Variants in OR1J2 observed in about 807,000 individuals in gnomAD.
OR1J2 encodes olfactory receptor family 1 subfamily J member 2.
For missense variants in OR1J2, 304 were observed against 246.1 expected, an observed-to-expected ratio of 1.24 and a Z score of -1.57; for synonymous variants, 142 against 99.7, an observed-to-expected ratio of 1.42 and a Z score of -2.52.
At chr9:122,453,148 G>A in the OR1J2 span, among the ~76,000 whole-genome samples, 1 of 151,892 alleles carries the variant, frequency 6.6e-6, no homozygotes, top group Non-Finnish European at 1.5e-5. Flanking sequence ...AAAACTCCCC[G>A]AGGCCTCCCT....
chr9:122,522,288 C>T, the OR1J2 span, among the ~76,000 whole-genome samples: 4 of 152,160 alleles, frequency 2.6e-5, no homozygotes, highest in Non-Finnish European at 5.9e-5. Flanking sequence ...CAGTGTACTT[C>T]CTTCTCAAAA....
chr9:122,568,655 A>G, the OR1J2 span: 3 of 531,970 alleles, frequency 5.6e-6, no homozygotes, highest in East Asian at 9.0e-5. Flanking sequence ...TCCCTTCCCA[A>G]ATCTATGGGC....
At chr9:122,479,366 T>C in the OR1J2 span, among the ~76,000 whole-genome samples, 2 of 152,224 alleles carry the variant, frequency 1.3e-5, no homozygotes, top group Non-Finnish European at 2.9e-5. Context: ...GCTGATGAGT[T>C]TGGATTTCCT....
At chr9:122,523,749 A>T in the OR1J2 span, among the ~76,000 whole-genome samples, 5 of 152,226 alleles carry the variant, frequency 3.3e-5, no homozygotes, top group African/African-American at 7.2e-5. Flanking sequence ...TAGGTTTAAC[A>T]GTCTTAAGGA....
chr9:122,477,588 G>A, the OR1J2 span: 4 of 1,614,184 alleles, frequency 2.5e-6, no homozygotes, highest in Non-Finnish European at 2.5e-6. Flanking sequence ...AAGTGATAAG[G>A]AAACTGTCTA....
the OR1J2 span, among the ~76,000 whole-genome samples, chr9:122,521,355 A>G: frequency 2.0e-5 from 3 of 152,206 alleles, no homozygotes; most frequent in African/African-American, 2.4e-5. Flanking sequence ...ACAGCAACAT[A>G]TCTGTTCTGG....
At chr9:122,492,959 G>A in the OR1J2 span, among the ~76,000 whole-genome samples, 2 of 152,066 alleles carry the variant, frequency 1.3e-5, no homozygotes, top group East Asian at 3.9e-4. Context: ...TGTGTCTATT[G>A]AGATCATCAT....
the OR1J2 span, among the ~76,000 whole-genome samples, chr9:122,480,496 G>T: frequency 6.7e-6 from 1 of 150,126 alleles, no homozygotes. Flanking sequence ...GGTTTGTTAC[G>T]TAGGTAAACT....
chr9:122,465,354 G>T, the OR1J2 span, among the ~76,000 whole-genome samples: 1 of 152,176 alleles, frequency 6.6e-6, no homozygotes, highest in African/African-American at 2.4e-5. Context: ...TGCTCTTCGG[G>T]CTTTTCTTTT....
chr9:122,527,464 C>T, the OR1J2 span, among the ~76,000 whole-genome samples: 119 of 152,262 alleles, frequency 7.8e-4, no homozygotes, highest in African/African-American at 2.4e-3. Flanking sequence ...TCATTTTCCC[C>T]CTTTCTCCTC....
At chr9:122,567,889 C>T in the OR1J2 span, 5 of 1,613,994 alleles carry the variant, frequency 3.1e-6, no homozygotes, top group Non-Finnish European at 3.4e-6. Context: ...TGCACAATTT[C>T]ATTGACAAAT....
the OR1J2 span, chr9:122,526,642 G>A: frequency 1.9e-6 from 3 of 1,614,156 alleles, no homozygotes; most frequent in Non-Finnish European, 2.5e-6. Context: ...GGCACAATGT[G>A]GATGTAGGAG....
At chr9:122,519,108 C>T in the OR1J2 span, 10 of 1,435,944 alleles carry the variant, frequency 7.0e-6, no homozygotes, top group Admixed American at 2.0e-5. Flanking sequence ...TTTTCAATGT[C>T]CCTCTATTTC....
At chr9:122,524,682 T>G in the OR1J2 span, among the ~76,000 whole-genome samples, 2 of 152,114 alleles carry the variant, frequency 1.3e-5, no homozygotes, top group Admixed American at 6.5e-5. Flanking sequence ...TCCCTGAGGA[T>G]CAGAATGGTG....
At chr9:122,546,511 C>T in the OR1J2 span, among the ~76,000 whole-genome samples, 2 of 152,220 alleles carry the variant, frequency 1.3e-5, no homozygotes, top group Middle Eastern at 6.8e-3. Context: ...AAGTGATGAC[C>T]ACCTACAGGT....
the OR1J2 span, among the ~76,000 whole-genome samples, chr9:122,473,759 A>T: frequency 2.0e-5 from 3 of 152,060 alleles, no homozygotes; most frequent in African/African-American, 7.2e-5. Context: ...TGGGCATGGG[A>T]CTCTGGATTG....
the OR1J2 span, among the ~76,000 whole-genome samples, chr9:122,491,918 A>G: frequency 6.6e-6 from 1 of 152,202 alleles, no homozygotes; most frequent in African/African-American, 2.4e-5. Context: ...GAGACTGGAT[A>G]GATTTATGAG....
the OR1J2 span, among the ~76,000 whole-genome samples, chr9:122,458,996 A>G: frequency 2.8e-4 from 43 of 152,026 alleles, no homozygotes; most frequent in Admixed American, 2.5e-3. Flanking sequence ...CCTTTGCACT[A>G]TTCTACTCTA....
At chr9:122,576,447 C>G in the OR1J2 span, among the ~76,000 whole-genome samples, 1 of 150,478 alleles carries the variant, frequency 6.6e-6, no homozygotes, top group Non-Finnish European at 1.5e-5. Flanking sequence ...ATTGGCCAGG[C>G]TTGTCTTGAA....
Sources: allele counts gnomAD v4.1 joint callset (sites outside exome capture counted in the v4.1 genomes callset), GRCh38; gene constraint gnomAD v4.1.1; transcripts MANE v1.5; gene names NCBI Gene and HGNC (gene_info 2026-07-23, HGNC 2026-07-21).